The following ZCCHC14 variants were observed in gnomAD, a reference collection of about 807,000 sequenced individuals.
The protein encoded by ZCCHC14 is zinc finger CCHC-type containing 14.
A neutral mutation model predicts 85.0 loss-of-function variants in ZCCHC14; 16 were observed. The observed-to-expected ratio is 0.19, with a 90% confidence interval of 0.13 to 0.29. The LOEUF (loss-of-function observed/expected upper bound fraction) is 0.29. Ranked by LOEUF, ZCCHC14 falls within the 10% of genes least tolerant of loss-of-function variation. ZCCHC14 has a pLI of 1.00. For synonymous variants in ZCCHC14, 775 were observed against 630.7 expected, an observed-to-expected ratio of 1.23 and a Z score of -3.43; for missense variants, 1,303 against 1,443.5, an observed-to-expected ratio of 0.90 and a Z score of 1.58.
At chr16:87,450,500 TGTTA>T (rs1910644877) in intron 2 of ZCCHC14, among the ~76,000 whole-genome samples, 1 of 152,226 alleles carries the variant, frequency 6.6e-6, no homozygotes, top group Non-Finnish European at 1.5e-5. Flanking sequence ...TAATTTCATT[TGTTA>T]GTTCTTCACA....
intron 2 of ZCCHC14, among the ~76,000 whole-genome samples, chr16:87,448,597 C>T (rs1004143158): frequency 2.6e-5 from 4 of 152,186 alleles, no homozygotes; most frequent in Admixed American, 6.5e-5. Context: ...TCTCCACATT[C>T]GGCAATCCTC....
chr16:87,449,386 CA>C (rs1445093016), intron 2 of ZCCHC14, among the ~76,000 whole-genome samples: 4 of 152,060 alleles, frequency 2.6e-5, no homozygotes, highest in Admixed American at 1.3e-4. Context: ...GGGCACAGCA[CA>C]GGGGGAAGGG....
At chr16:87,423,743 C>A in intron 4 of ZCCHC14, 67 bp downstream of exon 4, 29 of 1,561,378 alleles carry the variant, frequency 1.9e-5, no homozygotes, top group Non-Finnish European at 2.6e-5. Context: ...GAAATTACTC[C>A]GTGGTATCAT....
intron 2 of ZCCHC14, among the ~76,000 whole-genome samples, chr16:87,453,388 C>T (rs1187597748): frequency 6.6e-6 from 1 of 152,210 alleles, no homozygotes; most frequent in Non-Finnish European, 1.5e-5. Flanking sequence ...GGAGGAAGGC[C>T]GCAGAACATG....
In ZCCHC14 at chr16:87,417,709, C is replaced by T. The variant is rs576787969; in HGVS notation, c.1134G>A (p.Ser378=). 191 of 1,604,202 alleles carry T rather than the reference C, an allele frequency of 1.2e-4. 1 individual carries two copies. The South Asian group carries it at 1.8e-3, about 15-fold the overall frequency. ...GCCCGTGGTGCTGGGCTCCGCTCTG[C>T]GAGGACGGGATACCAGCCACTCCAC... The part of the protein sequence containing the change: ...PVCGVAGIPS[S]QSGAQHHGQH... Residue 378 remains serine (S), a synonymous_variant, in exon 8 of 13, where the codon TCG becomes TCA. Coordinates refer to ENST00000671377, the MANE Select transcript of ZCCHC14 (RefSeq NM_015144.3).
chr16:87,410,344 A>G lies in ZCCHC14; in HGVS notation c.3206-9T>C. 1 of 775,062 alleles carries G rather than the reference A, an allele frequency of 1.3e-6. No individual in the cohort carries two copies. Among genetic ancestry groups the G allele is most frequent in the Non-Finnish European group, 2.4e-6 (1 of 415,942 alleles). 48.0% of individuals were successfully genotyped at this position (775,062 alleles called of 1,614,324 possible). A position where few individuals can be genotyped will look rare whatever the true frequency, so the allele number is the denominator to read the frequency against. On this transcript the variant is annotated splice_polypyrimidine_tract_variant and intron_variant, in intron 12 of 12. Coordinates refer to ENST00000671377, the MANE Select transcript of ZCCHC14 (RefSeq NM_015144.3). ...TTTCAACCTAAAAGTACCTAGAGAGAGGGGAAAAAAGAGGTCAAATTTGAA... is the reference window on the plus strand; with the variant it reads ...TTTCAACCTAAAAGTACCTAGAGAGGGGGGAAAAAAGAGGTCAAATTTGAA...
intron 3 of ZCCHC14, among the ~76,000 whole-genome samples, chr16:87,425,164 C>G (rs909900070): frequency 1.3e-5 from 2 of 152,266 alleles, no homozygotes; most frequent in African/African-American, 2.4e-5. Context: ...GAAAGGGCCA[C>G]CTCTTCTTCA....
At chr16:87,451,199 C>CT (rs35771265) in intron 2 of ZCCHC14, among the ~76,000 whole-genome samples, 21,143 of 136,570 alleles carry the variant, frequency 0.15, 1,812 homozygotes, top group South Asian at 0.38. Flanking sequence ...GGCGCCCAGC[C>CT]TTTTTTTTTT....
intron 1 of ZCCHC14, among the ~76,000 whole-genome samples, chr16:87,480,426 G>A (rs1428236148): frequency 3.3e-5 from 5 of 152,052 alleles, no homozygotes; most frequent in African/African-American, 1.2e-4. Flanking sequence ...AAATAAAAAT[G>A]AGAAAGTAGA....
At chr16:87,456,530 C>T (rs182148270) in intron 2 of ZCCHC14, among the ~76,000 whole-genome samples, 2,419 of 14,934 alleles carry the variant, frequency 0.16, 59 homozygotes, top group Middle Eastern at 0.44. Context: ...AAGACTCTGT[C>T]TCCAAAAAAA....
At chr16:87,418,712 A>T in intron 7 of ZCCHC14, 135 bp downstream of exon 7, 1 of 916,800 alleles carries the variant, frequency 1.1e-6, no homozygotes, top group Non-Finnish European at 1.7e-6. Context: ...AATCATCTCT[A>T]CTCAATTCTT....
chr16:87,419,950 A>C (rs916463945), intron 5 of ZCCHC14, 73 bp from the exon 6 acceptor site: 24 of 1,341,182 alleles, frequency 1.8e-5, no homozygotes, highest in Admixed American at 4.8e-5. Context: ...AAAAAAATTT[A>C]ACTTTTAATC....
At chr16:87,431,906 C>T (rs1396850332) in intron 3 of ZCCHC14, among the ~76,000 whole-genome samples, 2 of 152,236 alleles carry the variant, frequency 1.3e-5, no homozygotes, top group African/African-American at 4.8e-5. Flanking sequence ...GGCGCCGAGA[C>T]TCCGGCACTA....
intron 1 of ZCCHC14, chr16:87,467,682 C>A (rs752968683): frequency 1.1e-4 from 90 of 798,974 alleles, no homozygotes; most frequent in Non-Finnish European, 1.6e-4. Context: ...GATGGAGTCT[C>A]GCTCTGTCGC....
chr16:87,415,726 G>A (rs1308242658), intron 8 of ZCCHC14, among the ~76,000 whole-genome samples: 1 of 152,166 alleles, frequency 6.6e-6, no homozygotes, highest in Non-Finnish European at 1.5e-5. Flanking sequence ...TTTGGGGCAG[G>A]TGACTAAAGA....
chr16:87,421,627 T>C (rs1909100213), intron 4 of ZCCHC14, among the ~76,000 whole-genome samples: 2 of 151,000 alleles, frequency 1.3e-5, no homozygotes, highest in Admixed American at 1.3e-4. Flanking sequence ...GCCGAGAGGG[T>C]AGAGAGTGCC....
chr16:87,415,858 C>T (rs1168481458), intron 8 of ZCCHC14, among the ~76,000 whole-genome samples: 1 of 152,188 alleles, frequency 6.6e-6, no homozygotes, highest in African/African-American at 2.4e-5. Context: ...TCATCACCCT[C>T]TGCGGGATGG....
chr16:87,436,334 C>G (rs551522528), intron 2 of ZCCHC14, among the ~76,000 whole-genome samples: 6 of 152,270 alleles, frequency 3.9e-5, no homozygotes, highest in Non-Finnish European at 8.8e-5. Flanking sequence ...CCCGCCAGGG[C>G]ACCTCCGGGC....
At chr16:87,449,760 A>G (rs1410961040) in intron 2 of ZCCHC14, among the ~76,000 whole-genome samples, 1 of 152,194 alleles carries the variant, frequency 6.6e-6, no homozygotes, top group African/African-American at 2.4e-5. Context: ...ATGACCCAGG[A>G]TAAGCTGGGC....
Sources: gnomAD v4.1 joint callset for allele counts (sites outside exome capture counted in the v4.1 genomes callset) on GRCh38, gnomAD v4.1.1 for gene constraint, MANE v1.5 for transcripts, NCBI Gene and HGNC (gene_info 2026-07-23, HGNC 2026-07-21) for gene names.